The following SEMA3A variants were observed in gnomAD, a reference collection of about 807,000 sequenced individuals.
The protein encoded by SEMA3A is semaphorin 3A, also known as semaphorin-3A.
In SEMA3A, 29 loss-of-function variants were observed where a neutral mutation model predicts 97.9. The observed-to-expected ratio is 0.30, with a 90% CI of 0.22 to 0.40. The LOEUF (loss-of-function observed/expected upper bound fraction) is 0.40, where lower values mean the gene tolerates loss of function less well. Ranked by LOEUF, SEMA3A falls within the 10% of genes least tolerant of loss-of-function variation. The pLI, the probability that SEMA3A is intolerant of heterozygous loss-of-function variation, is 1.00. For missense variants in SEMA3A, 763 were observed against 951.3 expected, an observed-to-expected ratio of 0.80 and a Z score of 2.60; for synonymous variants, 321 against 323.7, an observed-to-expected ratio of 0.99 and a Z score of 0.09.
At chr7:84,311,473 A>T (rs1201375287) in intron 2 of SEMA3A, among the ~76,000 whole-genome samples, 2 of 151,920 alleles carry the variant, frequency 1.3e-5, no homozygotes, top group East Asian at 3.9e-4. Context: ...TATATAATGA[A>T]TGCTTAGCAA....
At position 84,432,692 on chromosome 7, in the gene SEMA3A, T is replaced by C. The variant is rs1433083215; in HGVS notation, c.-246+59768A>G. Among the ~76,000 whole-genome samples the C allele has an allele frequency of 2.0e-5, 3 of 152,152 alleles. No homozygotes were observed. In the East Asian group the frequency reaches 5.8e-4, roughly 29 times the overall value. On this transcript the variant is annotated intron_variant, in intron 1 of 3. Coordinates refer to the SEMA3A transcript ENST00000424555. ...CTTAGGATAATTGTCTCCAGCTTCA[T>C]TCATGTTGCTGCAAAAAGACATAAT...
intron 1 of SEMA3A, among the ~76,000 whole-genome samples, chr7:84,473,028 C>A (rs145116491): frequency 4.3e-4 from 65 of 152,162 alleles, no homozygotes; most frequent in African/African-American, 1.5e-3. Context: ...TAAATTACAG[C>A]TCTGCCACTA....
intron 6 of SEMA3A, among the ~76,000 whole-genome samples, chr7:84,044,551 G>T (rs143286993): frequency 2.2e-4 from 34 of 152,184 alleles, no homozygotes; most frequent in Admixed American, 5.9e-4. Context: ...GATTGAAAAA[G>T]AATGGGCTAG....
chr7:84,445,516 A>AAAAAAAAAAAAAAAAAAAAAAAAAAAG (rs1805391070), intron 1 of SEMA3A, among the ~76,000 whole-genome samples: 4 of 123,752 alleles, frequency 3.2e-5, no homozygotes, highest in East Asian at 2.7e-4. Flanking sequence ...AAAAAAAAAA[A>AAAAAAAAAAAAAAAAAAAAAAAAAAAG]AAAAGAAAAG....
intron 6 of SEMA3A, among the ~76,000 whole-genome samples, chr7:84,030,912 G>T (rs530638451): frequency 6.6e-6 from 1 of 151,184 alleles, no homozygotes; most frequent in Non-Finnish European, 1.5e-5. Flanking sequence ...TCTTTAATAG[G>T]ATAGATTGTA....
intron 1 of SEMA3A, among the ~76,000 whole-genome samples, chr7:84,180,265 T>C (rs1403861391): frequency 6.6e-6 from 1 of 151,952 alleles, no homozygotes; most frequent in Non-Finnish European, 1.5e-5. Context: ...GTTCTATTCC[T>C]GGTCATTCTC....
chr7:84,147,657 T>G (rs1386200868), intron 1 of SEMA3A, among the ~76,000 whole-genome samples: 1 of 152,150 alleles, frequency 6.6e-6, no homozygotes, highest in African/African-American at 2.4e-5. Context: ...AAGTACTTAC[T>G]GAATGAATGA....
chr7:84,128,452 A>T (rs533017339), intron 3 of SEMA3A, among the ~76,000 whole-genome samples: 2 of 152,310 alleles, frequency 1.3e-5, no homozygotes, highest in Non-Finnish European at 2.9e-5. Flanking sequence ...CTGTGGAAAG[A>T]AGTTGACTTA....
At chr7:84,436,803 A>T (rs1178611211) in intron 1 of SEMA3A, among the ~76,000 whole-genome samples, 1 of 152,142 alleles carries the variant, frequency 6.6e-6, no homozygotes, top group African/African-American at 2.4e-5. Context: ...AAAAGTAAAT[A>T]CATTTATGAT....
At chr7:84,464,087 A>T (rs907376186) in intron 1 of SEMA3A, among the ~76,000 whole-genome samples, 1 of 152,176 alleles carries the variant, frequency 6.6e-6, no homozygotes, top group African/African-American at 2.4e-5. Context: ...CTCATCTTTA[A>T]ACTCAAAAAA....
intron 4 of SEMA3A, among the ~76,000 whole-genome samples, chr7:84,075,403 C>A (rs1410421768): frequency 6.6e-6 from 1 of 151,570 alleles, no homozygotes; most frequent in African/African-American, 2.4e-5. Context: ...AGGTGATCCA[C>A]CCGCCTCGGC....
intron 3 of SEMA3A, among the ~76,000 whole-genome samples, chr7:84,286,242 T>C (rs953132608): frequency 1.3e-5 from 2 of 152,166 alleles, no homozygotes; most frequent in South Asian, 2.1e-4. Context: ...ATGACTTTGA[T>C]TTGATATTCA....
intron 2 of SEMA3A, among the ~76,000 whole-genome samples, chr7:84,131,734 A>G (rs2116030151): frequency 6.6e-6 from 1 of 152,196 alleles, no homozygotes; most frequent in South Asian, 2.1e-4. Flanking sequence ...ATAGGTTAAA[A>G]GGAATATTAA....
chr7:84,364,846 G>GA (rs10710006), intron 2 of SEMA3A, among the ~76,000 whole-genome samples: 161 of 126,432 alleles, frequency 1.3e-3, no homozygotes, highest in Non-Finnish European at 1.4e-3. Flanking sequence ...AAGAACAAGA[G>GA]AAAAAAAAAA....
chr7:84,473,326 T>C (rs1806200878), intron 1 of SEMA3A, among the ~76,000 whole-genome samples: 1 of 150,446 alleles, frequency 6.6e-6, no homozygotes, highest in Admixed American at 6.6e-5. Flanking sequence ...AATTGGGAAA[T>C]ATTAAAATGT....
intron 4 of SEMA3A, among the ~76,000 whole-genome samples, chr7:84,085,080 T>C (rs1187827208): frequency 1.4e-5 from 2 of 147,202 alleles, no homozygotes; most frequent in Non-Finnish European, 3.0e-5. Context: ...AATTTTTTTT[T>C]TCTTTATACA....
chr7:84,173,931 T>C (rs1275460552), intron 1 of SEMA3A, among the ~76,000 whole-genome samples: 1 of 152,094 alleles, frequency 6.6e-6, no homozygotes, highest in Non-Finnish European at 1.5e-5. Context: ...GCATGCTCCT[T>C]ACGAAAATCT....
chr7:84,441,906 A>C (rs1157175028), intron 1 of SEMA3A, among the ~76,000 whole-genome samples: 1 of 152,218 alleles, frequency 6.6e-6, no homozygotes, highest in Non-Finnish European at 1.5e-5. Flanking sequence ...CAAACAAAAC[A>C]AAACAAATCT....
chr7:83,965,648 ATATATATATATATATATATTTTTTTTTTT>A (rs1788650200), intron 15 of SEMA3A, among the ~76,000 whole-genome samples: 1 of 8,524 alleles, frequency 1.2e-4, no homozygotes, highest in Non-Finnish European at 2.6e-4. Context: ...ATATATATAT[ATATATATATATATATATATTTTTTTTTTT>A]TTTTTTTTTT....
Sources: gnomAD v4.1 joint callset for allele counts (sites outside exome capture counted in the v4.1 genomes callset) on GRCh38, gnomAD v4.1.1 for gene constraint, MANE v1.5 for transcripts, NCBI Gene and HGNC (gene_info 2026-07-23, HGNC 2026-07-21) for gene names.